Variants in DCC observed in about 807,000 individuals in gnomAD.
DCC encodes DCC netrin 1 receptor.
In DCC, 58 loss-of-function variants were observed where a neutral mutation model predicts 172.5. The observed-to-expected ratio is 0.34, with a 90% CI of 0.27 to 0.42. The LOEUF is 0.42. Ranked by LOEUF, DCC falls within the 10% of genes least tolerant of loss-of-function variation. The probability of loss-of-function intolerance (pLI) is 1.00; values close to 1 mark genes in which losing one functional copy is unlikely to be tolerated. For synonymous variants in DCC, 709 were observed against 644.5 expected, an observed-to-expected ratio of 1.10 and a Z score of -1.52; for missense variants, 1,740 against 1,791.0, an observed-to-expected ratio of 0.97 and a Z score of 0.51.
intron 3 of DCC, among the ~76,000 whole-genome samples, chr18:52,907,299 G>T (rs1275364692): frequency 2.5e-5 from 1 of 39,572 alleles, no homozygotes; most frequent in Admixed American, 3.5e-4. Context: ...TATACATATG[G>T]ATATATACAT....
intron 2 of DCC, among the ~76,000 whole-genome samples, chr18:52,861,171 C>A (rs893000555): frequency 6.6e-5 from 10 of 152,132 alleles, no homozygotes; most frequent in African/African-American, 2.2e-4. Flanking sequence ...TTTCTGTTTT[C>A]TAGAGGTTTC....
intron 1 of DCC, among the ~76,000 whole-genome samples, chr18:52,610,938 A>T (rs2034266038): frequency 6.6e-6 from 1 of 152,180 alleles, no homozygotes; most frequent in African/African-American, 2.4e-5. Context: ...ACTTTTAAGT[A>T]GTGTAAATTT....
chr18:53,128,878 T>C (rs908111429), intron 7 of DCC, among the ~76,000 whole-genome samples: 4,248 of 48,850 alleles, frequency 0.087, 83 homozygotes, highest in African/African-American at 0.13. Flanking sequence ...CACATATATA[T>C]ATATATATAT....
intron 5 of DCC, among the ~76,000 whole-genome samples, chr18:52,955,700 G>A (rs556884458): frequency 6.6e-6 from 1 of 152,112 alleles, no homozygotes; most frequent in East Asian, 1.9e-4. Context: ...CCACAACCTG[G>A]CCAGCATTTG....
At chr18:53,470,768 C>A (rs2045686170) in intron 25 of DCC, among the ~76,000 whole-genome samples, 1 of 152,122 alleles carries the variant, frequency 6.6e-6, no homozygotes, top group Non-Finnish European at 1.5e-5. Context: ...CCATATAAAA[C>A]CACCAGATCT....
intron 7 of DCC, among the ~76,000 whole-genome samples, chr18:53,131,953 A>ATT (rs71175556): frequency 0.085 from 4,969 of 58,150 alleles, 773 homozygotes; most frequent in Non-Finnish European, 0.12. Flanking sequence ...TCTCTAAGTG[A>ATT]TTTTTTTTTT....
In DCC at chr18:52,664,470, C is replaced by CTTTTTTTTTTTTTTTTTTT. The variant is rs74178680; in HGVS notation, c.92-87579_92-87578insTTTTTTTTTTTTTTTTTTT. ...CAAATATCTTTTTTCTTTTCTTTTT[C>CTTTTTTTTTTTTTTTTTTT]TTTTTCTTTTTTTTTTTTTTTTGAG... On this transcript the variant is annotated intron_variant, in intron 1 of 28. Transcript: ENST00000442544. 4.8e-4 allele frequency among the ~76,000 whole-genome samples: 48 copies of CTTTTTTTTTTTTTTTTTTT among 99,796 alleles called. 2 individuals are homozygous for CTTTTTTTTTTTTTTTTTTT. The highest frequency in any genetic ancestry group is 5.7e-4 in the Non-Finnish European group (30 of 52,334). The allele number at this position is 99,796 out of a possible 152,430, so 65.5% of individuals were successfully genotyped here. A position where few individuals can be genotyped will look rare whatever the true frequency, so the allele number is the denominator to read the frequency against.
intron 14 of DCC, among the ~76,000 whole-genome samples, chr18:53,339,339 C>A (rs1045542980): frequency 6.6e-6 from 1 of 152,046 alleles, no homozygotes; most frequent in African/African-American, 2.4e-5. Flanking sequence ...TTGGATAAGA[C>A]AACATTGACA....
At chr18:53,505,644 TC>T (rs892406428) in intron 27 of DCC, among the ~76,000 whole-genome samples, 4 of 152,090 alleles carry the variant, frequency 2.6e-5, no homozygotes, top group African/African-American at 9.7e-5. Context: ...GTTAAAGTAT[TC>T]AGTGGCCATC....
chr18:52,899,599 C>T (rs2039781348), intron 2 of DCC, among the ~76,000 whole-genome samples: 2 of 151,992 alleles, frequency 1.3e-5, no homozygotes, highest in Non-Finnish European at 2.9e-5. Flanking sequence ...AGGTGATCCG[C>T]CCGCCTCAGC....
chr18:53,370,582 A>G (rs2058050818), intron 15 of DCC, among the ~76,000 whole-genome samples: 1 of 151,348 alleles, frequency 6.6e-6, no homozygotes, highest in African/African-American at 2.4e-5. Context: ...CTGTCTTTTT[A>G]TTTTCACTTG....
chr18:52,806,170 T>A (rs1049222315), intron 2 of DCC, among the ~76,000 whole-genome samples: 1 of 152,210 alleles, frequency 6.6e-6, no homozygotes, highest in Non-Finnish European at 1.5e-5. Flanking sequence ...TTAATAGATA[T>A]TATTTCTTAG....
At chr18:52,458,790 C>A (rs886506302) in intron 1 of DCC, among the ~76,000 whole-genome samples, 9 of 152,144 alleles carry the variant, frequency 5.9e-5, no homozygotes, top group African/African-American at 1.9e-4. Flanking sequence ...TTTAAAAATT[C>A]TCTTCTAAGA....
At chr18:52,364,014 CT>C (rs1984734810) in intron 1 of DCC, among the ~76,000 whole-genome samples, 1 of 152,200 alleles carries the variant, frequency 6.6e-6, no homozygotes, top group Admixed American at 6.5e-5. Flanking sequence ...CTCTGGCCCC[CT>C]GAGACTGACA....
chr18:52,906,563 T>C (rs1193780949), intron 3 of DCC, among the ~76,000 whole-genome samples: 3 of 152,060 alleles, frequency 2.0e-5, no homozygotes, highest in South Asian at 2.1e-4. Context: ...ATCTCTCCTT[T>C]ATTCATTCAC....
chr18:52,839,075 C>T (rs2038761797), intron 2 of DCC, among the ~76,000 whole-genome samples: 1 of 152,144 alleles, frequency 6.6e-6, no homozygotes, highest in South Asian at 2.1e-4. Flanking sequence ...GTTTAGGCCA[C>T]ATTGTAGAGC....
At chr18:52,618,107 A>G (rs1221863) in intron 1 of DCC, among the ~76,000 whole-genome samples, 138,179 of 152,190 alleles carry the variant, frequency 0.91, 63,209 homozygotes, top group Middle Eastern at 0.99. Flanking sequence ...CATTAAAGCC[A>G]CAAGCTTGCT....
chr18:52,435,324 CT>C (rs1987756549), intron 1 of DCC, among the ~76,000 whole-genome samples: 1 of 152,076 alleles, frequency 6.6e-6, no homozygotes, highest in Non-Finnish European at 1.5e-5. Context: ...CTAAATAGAT[CT>C]GTCTTCCTTC....
At chr18:52,368,778 G>A (rs928694350) in intron 1 of DCC, among the ~76,000 whole-genome samples, 3 of 152,142 alleles carry the variant, frequency 2.0e-5, no homozygotes, top group Non-Finnish European at 4.4e-5. Flanking sequence ...CAGGATCCTG[G>A]TACCTTCCCA....
Sources: gnomAD v4.1 joint callset for allele counts (sites outside exome capture counted in the v4.1 genomes callset) on GRCh38, gnomAD v4.1.1 for gene constraint, MANE v1.5 for transcripts, NCBI Gene and HGNC (gene_info 2026-07-23, HGNC 2026-07-21) for gene names.